RAB28: variants seen among roughly 807,000 people sequenced by gnomAD.
RAB28 encodes the protein RAB28, member RAS oncogene family, also known as ras-related protein Rab-28.
A neutral mutation model predicts 31.7 loss-of-function variants in RAB28; 24 were observed. The observed-to-expected ratio is 0.76, with a 90% confidence interval of 0.55 to 1.06. The LOEUF (loss-of-function observed/expected upper bound fraction) is 1.06. RAB28 is among the 50% of genes least tolerant of loss of function. The probability of loss-of-function intolerance (pLI) is 0.00; values close to 1 mark genes in which losing one functional copy is unlikely to be tolerated. For synonymous variants in RAB28, 100 were observed against 90.4 expected (o/e 1.11, Z -0.60); for missense variants, 254 against 258.5 (o/e 0.98, Z 0.12).
intron 4 of RAB28, among the ~76,000 whole-genome samples, chr4:13,456,334 G>A (rs1340126634): frequency 6.6e-6 from 1 of 152,190 alleles, no homozygotes; most frequent in Non-Finnish European, 1.5e-5. Flanking sequence ...TGCAATTTGT[G>A]ATAAATCAAG....
At chr4:13,444,706 G>C (rs759993418) in intron 4 of RAB28, among the ~76,000 whole-genome samples, 9 of 152,212 alleles carry the variant, frequency 5.9e-5, no homozygotes, top group South Asian at 2.1e-4. Context: ...GAAGTGTGTG[G>C]TGATATTTAA....
At chr4:13,437,585 A>G (rs1256851175) in intron 4 of RAB28, among the ~76,000 whole-genome samples, 2 of 152,158 alleles carry the variant, frequency 1.3e-5, no homozygotes, top group Non-Finnish European at 2.9e-5. Context: ...GCAAGCAGCC[A>G]ACAAACCTGA....
intron 4 of RAB28, among the ~76,000 whole-genome samples, chr4:13,385,276 A>G (rs765369527): frequency 1.1e-4 from 17 of 152,200 alleles, no homozygotes; most frequent in Non-Finnish European, 2.2e-4. Flanking sequence ...TGGAACACAT[A>G]TTTCAAGATA....
chr4:13,438,658 C>T (rs1714259152), intron 4 of RAB28, among the ~76,000 whole-genome samples: 1 of 152,076 alleles, frequency 6.6e-6, no homozygotes, highest in African/African-American at 2.4e-5. Flanking sequence ...CCGATTTATC[C>T]ATTCTTCAGC....
intron 4 of RAB28, among the ~76,000 whole-genome samples, chr4:13,438,813 C>CTT (rs1044326437): frequency 6.1e-5 from 8 of 130,326 alleles, no homozygotes; most frequent in African/African-American, 2.9e-4. Context: ...CATAAGGTAA[C>CTT]TGACTTTTTG....
At chr4:13,456,922 T>A (rs1273958415) in intron 4 of RAB28, among the ~76,000 whole-genome samples, 1 of 152,136 alleles carries the variant, frequency 6.6e-6, no homozygotes, top group Non-Finnish European at 1.5e-5. Flanking sequence ...CAGCCCAAAT[T>A]TCTGAAGGTT....
At chr4:13,414,648 T>C (rs1487513159) in intron 4 of RAB28, among the ~76,000 whole-genome samples, 2 of 152,210 alleles carry the variant, frequency 1.3e-5, no homozygotes, top group East Asian at 1.9e-4. Context: ...ACAAGGCTGG[T>C]ACAAACTTCA....
At chr4:13,375,056 T>C (rs1728865612) in intron 6 of RAB28, among the ~76,000 whole-genome samples, 2 of 152,064 alleles carry the variant, frequency 1.3e-5, no homozygotes, top group South Asian at 4.1e-4. Flanking sequence ...TTTTCTCCCT[T>C]CCCACTCCAA....
intron 4 of RAB28, among the ~76,000 whole-genome samples, chr4:13,397,240 T>A (rs2108896681): frequency 6.6e-6 from 1 of 152,210 alleles, no homozygotes; most frequent in South Asian, 2.1e-4. Flanking sequence ...AATAATTGCA[T>A]TTATATAAAA....
At chr4:13,378,773 T>C (rs991266626) in intron 5 of RAB28, among the ~76,000 whole-genome samples, 1 of 151,922 alleles carries the variant, frequency 6.6e-6, no homozygotes, top group Admixed American at 6.6e-5. Flanking sequence ...ATGGGGTAAG[T>C]AGGATGAGGT....
intron 3 of RAB28, among the ~76,000 whole-genome samples, chr4:13,464,547 C>T (rs1715750192): frequency 1.3e-5 from 2 of 152,056 alleles, no homozygotes; most frequent in South Asian, 4.1e-4. Context: ...TACTTTACCA[C>T]AACACTACCA....
chr4:13,460,429 T>C (rs1715534075), intron 4 of RAB28, among the ~76,000 whole-genome samples: 1 of 152,152 alleles, frequency 6.6e-6, no homozygotes, highest in South Asian at 2.1e-4. Flanking sequence ...TTGGCCAGGT[T>C]TGTCCGAAAC....
At chr4:13,432,106 C>A (rs957418766) in intron 4 of RAB28, among the ~76,000 whole-genome samples, 2 of 151,984 alleles carry the variant, frequency 1.3e-5, no homozygotes, top group African/African-American at 4.8e-5. Flanking sequence ...CAAGTGGAAC[C>A]TCTGGAATTG....
chr4:13,387,892 G>T (rs1476547787), intron 4 of RAB28, among the ~76,000 whole-genome samples: 5 of 151,988 alleles, frequency 3.3e-5, no homozygotes, highest in African/African-American at 9.7e-5. Context: ...AAAACTTGTT[G>T]AGGGATCTGC....
intron 4 of RAB28, among the ~76,000 whole-genome samples, chr4:13,405,408 A>T (rs1712020228): frequency 6.6e-6 from 1 of 152,180 alleles, no homozygotes; most frequent in South Asian, 2.1e-4. Context: ...AATACATAGT[A>T]AATTAAAGAA....
At position 13,484,300 on chromosome 4, in the gene RAB28, C is replaced by T; in HGVS notation, c.-150G>A. On this transcript the variant is annotated 5_prime_UTR_variant, in exon 1 of 7. The change abolishes the stop of an existing upstream ORF in the 5' untranslated region. Transcript: ENST00000330852. ...CCGGCAGGAGGTATTCGAGGAGAATCACTCGGCAAGCGCCATCTTGCCCAC... is the reference window on the plus strand; with the variant it reads ...CCGGCAGGAGGTATTCGAGGAGAATTACTCGGCAAGCGCCATCTTGCCCAC... 4 of 645,104 alleles carry T rather than the reference C, an allele frequency of 6.2e-6. No individual in the cohort carries two copies. The highest frequency in any genetic ancestry group is 8.5e-6 in the Non-Finnish European group (3 of 353,344). The allele number at this position is 645,104 out of a possible 1,614,324, so 40.0% of individuals were successfully genotyped here. A position where few individuals can be genotyped will look rare whatever the true frequency, so the allele number is the denominator to read the frequency against.
intron 4 of RAB28, among the ~76,000 whole-genome samples, chr4:13,432,832 C>A (rs1302517475): frequency 6.6e-6 from 1 of 151,982 alleles, no homozygotes; most frequent in South Asian, 2.1e-4. Context: ...ATCATAAAAG[C>A]TCAAAGACAC....
intron 4 of RAB28, among the ~76,000 whole-genome samples, chr4:13,397,009 C>T (rs1022883453): frequency 6.6e-6 from 1 of 152,040 alleles, no homozygotes; most frequent in Non-Finnish European, 1.5e-5. Flanking sequence ...TAACAAAGCA[C>T]ATAATAAAAC....
In RAB28 at chr4:13,484,190, G is replaced by T. The variant is rs745321061; in HGVS notation, c.-40C>A. ...CAGGCCCGCCCCTCGAGGTGGGGGG[G>T]GAAGGGAAGGATGAAGGCTCCGGGG... is the stretch of plus-strand genomic sequence containing the variant. On this transcript the variant is annotated 5_prime_UTR_variant, in exon 1 of 7. Transcript: ENST00000330852. The T allele has an allele frequency of 5.9e-6, 9 of 1,524,712 alleles. No homozygotes were observed. The highest frequency in any genetic ancestry group is 2.4e-5 in the East Asian group (1 of 41,458). The allele number at this position is 1,524,712 out of a possible 1,614,324, so 94.4% of individuals were successfully genotyped here.
Sources: gnomAD v4.1 joint callset for allele counts (sites outside exome capture counted in the v4.1 genomes callset) on GRCh38, gnomAD v4.1.1 for gene constraint, MANE v1.5 for transcripts, NCBI Gene and HGNC (gene_info 2026-07-23, HGNC 2026-07-21) for gene names.